MMP27: variants seen among roughly 807,000 people sequenced by gnomAD.
MMP27 encodes matrix metallopeptidase 27, also known as matrix metalloproteinase-27.
Under a neutral mutation model 48.1 loss-of-function variants are expected in MMP27, and 51 were observed. The ratio of observed to expected loss-of-function variants is 1.06; its 90% confidence interval spans 0.85 to 1.34. MMP27 has a LOEUF of 1.34. Ranked by LOEUF, MMP27 falls within the 40% of genes most tolerant of loss-of-function variation. MMP27 has a pLI of 0.00. For missense variants in MMP27, 698 were observed against 619.3 expected, an observed-to-expected ratio of 1.13 and a Z score of -1.35; for synonymous variants, 229 against 208.9, an observed-to-expected ratio of 1.10 and a Z score of -0.83.
chr11:102,698,023 C>A (rs1053870934), intron 4 of MMP27, among the ~76,000 whole-genome samples: 3 of 152,174 alleles, frequency 2.0e-5, no homozygotes, highest in Admixed American at 6.5e-5. Context: ...TGGAATCCCT[C>A]CTGAAGGGCC....
In MMP27 at chr11:102,693,894, C is replaced by T. The variant is rs781657430; in HGVS notation, c.1193+12G>A. 3 of 1,580,756 alleles carry T rather than the reference C, an allele frequency of 1.9e-6. No individual in the cohort carries two copies. In the South Asian group the frequency reaches 3.6e-5, roughly 19 times the overall value. The stretch of plus-strand genomic sequence containing the variant: ...CATAATAAAACAAAGTGTCAATTGT[C>T]TGTAAACTTACCTCCAGCACCAAAT... On this transcript the variant is annotated intron_variant, in intron 8 of 9. Transcript: ENST00000260229.
intron 5 of MMP27, 58 bp downstream of exon 5, chr11:102,696,616 C>T: frequency 1.9e-6 from 3 of 1,570,244 alleles, no homozygotes; most frequent in African/African-American, 1.4e-5. Flanking sequence ...TTCTTAACTT[C>T]CTTTCTGAAA....
At position 102,694,987 on chromosome 11, in the gene MMP27, TC is replaced by T; in HGVS notation, c.1012del (p.Asp338IlefsTer13). 1 of 1,613,888 alleles carries T rather than the reference TC, an allele frequency of 6.2e-7. No homozygotes were observed. The highest frequency in any genetic ancestry group is 8.5e-7 in the Non-Finnish European group (1 of 1,179,930). On this transcript the variant is annotated frameshift_variant, in exon 7 of 10. Transcript: ENST00000260229. LOFTEE classifies it high-confidence loss of function. ...DLQAAYENPR[D>X]KILVFKDENF... is the part of the protein sequence containing the mutation. Reference sequence around the variant, plus strand: ...GTTACCTTTAAAAACCAGAATCTTATCTCTGGGGTTCTCGTATGCAGCTTGC... The same window carrying T: ...GTTACCTTTAAAAACCAGAATCTTATTCTGGGGTTCTCGTATGCAGCTTGC...
In MMP27 at chr11:102,705,732, T is replaced by C; in HGVS notation, c.-18A>G. 5 of 1,566,450 alleles carry C rather than the reference T, an allele frequency of 3.2e-6. No individual in the cohort carries two copies. The highest frequency in any genetic ancestry group is 1.4e-5 in the African/African-American group (1 of 73,204). On this transcript the variant is annotated 5_prime_UTR_variant, in exon 1 of 10. Transcript: ENST00000260229. Reference sequence around the variant, plus strand: ...CGCTTCATTCCTCTCTTTCTTCAGCTGAAGCCGGTTCTGTTAGCACAGAAT... The same window carrying C: ...CGCTTCATTCCTCTCTTTCTTCAGCCGAAGCCGGTTCTGTTAGCACAGAAT...
intron 4 of MMP27, 21 bp from the exon 5 acceptor site, chr11:102,696,856 C>A: frequency 6.2e-7 from 1 of 1,600,422 alleles, no homozygotes. Flanking sequence ...ACAGGGAAAA[C>A]ACGAGCACAT....
rs1860775031 is a variant in MMP27 at position 102,694,004 on chromosome 11, A to G, written c.1095T>C (p.His365=). Residue 365 remains histidine (H), a synonymous_variant, in exon 8 of 10, where the codon CAT becomes CAC. Transcript: ENST00000260229. Reference sequence around the variant, plus strand: ...TCACACGTCCTGGAAAACCTAATGTATGGATGGATTTGGGATAATCTGGCA... The same window carrying G: ...TCACACGTCCTGGAAAACCTAATGTGTGGATGGATTTGGGATAATCTGGCA... ...AVLPDYPKSI[H]TLGFPGRVKK... is the part of the protein sequence containing the mutation. The G allele has an allele frequency of 6.2e-7, 1 of 1,610,406 alleles. No homozygotes were observed. Among genetic ancestry groups the G allele is most frequent in the Non-Finnish European group, 8.5e-7 (1 of 1,178,134 alleles).
rs752171793 is a variant in MMP27 at position 102,695,101 on chromosome 11, T to C, written c.903-4A>G. On this transcript the variant is annotated splice_polypyrimidine_tract_variant and splice_region_variant and intron_variant, in intron 6 of 9. Transcript: ENST00000260229. Reference sequence around the variant, plus strand: ...ATAATAGATCCTCCATAGGTGCCTGTGTTAAACAAAAAACACTTTACACAT... The same window carrying C: ...ATAATAGATCCTCCATAGGTGCCTGCGTTAAACAAAAAACACTTTACACAT... 1.2e-5 allele frequency: 19 copies of C among 1,612,254 alleles called. No individual in the cohort carries two copies. Among genetic ancestry groups the C allele is most frequent in the Non-Finnish European group, 1.4e-5 (16 of 1,178,958 alleles).
intron 4 of MMP27, among the ~76,000 whole-genome samples, chr11:102,700,544 A>G (rs546428896): frequency 1.3e-5 from 2 of 152,354 alleles, no homozygotes; most frequent in African/African-American, 4.8e-5. Flanking sequence ...CTAAAAGAAG[A>G]GCATCATTAC....
chr11:102,703,138 A>G lies in MMP27; in HGVS notation c.342-20T>C. 3.7e-6 allele frequency: 6 copies of G among 1,604,684 alleles called. No individual in the cohort carries two copies. The highest frequency in any genetic ancestry group is 5.1e-6 in the Non-Finnish European group (6 of 1,176,648). Reference sequence around the variant, plus strand: ...ATTATTCTTAAAAATTAACAAAAATATGTCAATTTCTGGCTTATTCATGCA... The same window carrying G: ...ATTATTCTTAAAAATTAACAAAAATGTGTCAATTTCTGGCTTATTCATGCA... On this transcript the variant is annotated intron_variant, in intron 2 of 9. Transcript: ENST00000260229.
At chr11:102,704,903 T>C in intron 1 of MMP27, 128 bp from the exon 2 acceptor site, 1 of 606,300 alleles carries the variant, frequency 1.6e-6, no homozygotes, top group East Asian at 2.8e-5. Context: ...AAAGAAGTAA[T>C]GAGAGAAAGT....
In MMP27 at chr11:102,702,827, G is replaced by A; in HGVS notation, c.545C>T (p.Ala182Val). Residue 182 changes from alanine (A) to valine (V), a missense_variant, in exon 4 of 10, where the codon GCC becomes GTC. Coordinates refer to ENST00000260229, the MANE Select transcript of MMP27 (RefSeq NM_022122.3). The stretch of plus-strand genomic sequence containing the variant: ...ACCCAGACCCGGACCAGGAGGAAAG[G>A]CATGGCCAAGCACTCCCAAGGGACC... ...FDGPLGVLGH[A>V]FPPGPGLGGD... 6.2e-7 allele frequency: 1 copy of A among 1,613,856 alleles called. No homozygotes were observed. Among genetic ancestry groups the A allele is most frequent in the Non-Finnish European group, 8.5e-7 (1 of 1,179,912 alleles).
chr11:102,705,595 C>G lies in MMP27; in HGVS notation c.102+18G>C. 2 of 1,411,614 alleles carry G rather than the reference C, an allele frequency of 1.4e-6. No individual in the cohort carries two copies. Among genetic ancestry groups the G allele is most frequent in the Non-Finnish European group, 1.9e-6 (2 of 1,033,662 alleles). 87.4% of individuals were successfully genotyped at this position (1,411,614 alleles called of 1,614,324 possible). A position where few individuals can be genotyped will look rare whatever the true frequency, so the allele number is the denominator to read the frequency against. On this transcript the variant is annotated intron_variant, in intron 1 of 9. Coordinates refer to ENST00000260229, the MANE Select transcript of MMP27 (RefSeq NM_022122.3). ...GCTTTTTATCAATAGTCATCGATAT[C>G]ATTTATTAAGACAGTACCTGAGCCA...
chr11:102,698,474 TA>T (rs10708640), intron 4 of MMP27, among the ~76,000 whole-genome samples: 61,296 of 148,854 alleles, frequency 0.41, 13,421 homozygotes, highest in East Asian at 0.61. Context: ...TGGATAATAT[TA>T]AAAAAAAAAA....
chr11:102,696,562 C>T (rs1458317379), intron 5 of MMP27, 71 bp from the exon 6 acceptor site: 1 of 1,582,510 alleles, frequency 6.3e-7, no homozygotes, highest in African/African-American at 1.4e-5. Context: ...AAGGGTCTTA[C>T]CTAAGTGGAT....
intron 4 of MMP27, among the ~76,000 whole-genome samples, chr11:102,699,459 C>A (rs1860896794): frequency 6.6e-6 from 1 of 152,010 alleles, no homozygotes; most frequent in Non-Finnish European, 1.5e-5. Flanking sequence ...CAGAGTGAGA[C>A]CCGGTCTCAA....
rs1237460699 is a variant in MMP27, at chr11:102,693,902, T to A, written c.1193+4A>T. The A allele has an allele frequency of 6.3e-7, 1 of 1,587,054 alleles. No individual in the cohort carries two copies. Among genetic ancestry groups the A allele is most frequent in the Non-Finnish European group, 8.6e-7 (1 of 1,168,810 alleles). On this transcript the variant is annotated splice_donor_region_variant and intron_variant, in intron 8 of 9. Transcript: ENST00000260229. ...AACAAAGTGTCAATTGTCTGTAAAC[T>A]TACCTCCAGCACCAAATGCCCACAA...
At chr11:102,701,264 G>C (rs778689092) in intron 4 of MMP27, among the ~76,000 whole-genome samples, 3 of 151,412 alleles carry the variant, frequency 2.0e-5, no homozygotes, top group Non-Finnish European at 4.4e-5. Flanking sequence ...TTGCTCAAGC[G>C]AGCCTTACCG....
chr11:102,703,174 C>T (rs1219473951), intron 2 of MMP27, 56 bp from the exon 3 acceptor site: 1 of 1,492,962 alleles, frequency 6.7e-7, no homozygotes, highest in Non-Finnish European at 9.1e-7. Flanking sequence ...TGAATATACA[C>T]ACATAACTAC....
At chr11:102,692,621 C>T (rs992578249) in intron 9 of MMP27, among the ~76,000 whole-genome samples, 2 of 152,136 alleles carry the variant, frequency 1.3e-5, no homozygotes, top group Admixed American at 6.6e-5. Context: ...AAGGTACATA[C>T]ATTAAAGTTT....
Sources: allele counts gnomAD v4.1 joint callset (sites outside exome capture counted in the v4.1 genomes callset), GRCh38; gene constraint gnomAD v4.1.1; transcripts MANE v1.5; gene names NCBI Gene and HGNC (gene_info 2026-07-23, HGNC 2026-07-21).